The following PLVAP variants were observed in gnomAD, a reference collection of about 807,000 sequenced individuals.
PLVAP encodes the protein plasmalemma vesicle associated protein, also known as plasmalemma vesicle-associated protein.
PLVAP carries 34 observed loss-of-function variants against 43.1 expected under a neutral mutation model. The ratio of observed to expected loss-of-function variants is 0.79; its 90% CI spans 0.60 to 1.05. PLVAP has a LOEUF of 1.05. Ranked by LOEUF, PLVAP falls within the 50% of genes least tolerant of loss-of-function variation. PLVAP has a pLI of 0.00. For synonymous variants in PLVAP, 241 were observed against 237.3 expected (o/e 1.02, Z -0.14); for missense variants, 574 against 593.4 (o/e 0.97, Z 0.34).
At chr19:17,376,864 G>C (rs1172555953) in intron 1 of PLVAP, 56 bp downstream of exon 1, 2 of 1,510,628 alleles carry the variant, frequency 1.3e-6, no homozygotes, top group Non-Finnish European at 1.8e-6. Context: ...CAGGCTCAGA[G>C]AGGTGAGGGG....
intron 5 of PLVAP, among the ~76,000 whole-genome samples, chr19:17,352,897 C>T (rs1178689372): frequency 1.3e-5 from 2 of 152,198 alleles, no homozygotes; most frequent in African/African-American, 4.8e-5. Context: ...GGGCTCCACC[C>T]CTCTGCCCCT....
intron 3 of PLVAP, among the ~76,000 whole-genome samples, chr19:17,363,735 CGGCT>C (rs2074537171): frequency 7.9e-6 from 1 of 126,048 alleles, no homozygotes; most frequent in African/African-American, 3.2e-5. Flanking sequence ...CCACCACACC[CGGCT>C]AATTTTTTTT....
At chr19:17,369,152 A>G (rs2074561646) in intron 1 of PLVAP, among the ~76,000 whole-genome samples, 1 of 151,410 alleles carries the variant, frequency 6.6e-6, no homozygotes. Flanking sequence ...GAGGCAAACA[A>G]CAGTCTTTAA....
At position 17,365,939 on chromosome 19, in the gene PLVAP, TCTC is replaced by T. The variant is rs2074548209; in HGVS notation, c.523_525del (p.Glu175del). 1.2e-6 allele frequency: 2 copies of T among 1,614,038 alleles called. No homozygotes were observed. Among genetic ancestry groups the T allele is most frequent in the Non-Finnish European group, 1.7e-6 (2 of 1,180,006 alleles). On this transcript the variant is annotated inframe_deletion, in exon 3 of 6. Transcript: ENST00000252590. ...TCCTTATCCTTAGTGCAAATGGTCT[TCTC>T]CTTGGCTATCTCCACCTCCAGCGTC...
chr19:17,353,064 T>A (rs2074492605), intron 5 of PLVAP, among the ~76,000 whole-genome samples: 1 of 152,208 alleles, frequency 6.6e-6, no homozygotes, highest in South Asian at 2.1e-4. Flanking sequence ...TGGCAGAGGT[T>A]CCTGCGAGGG....
chr19:17,364,442 C>T (rs1369726010), intron 3 of PLVAP, among the ~76,000 whole-genome samples: 1 of 152,076 alleles, frequency 6.6e-6, no homozygotes, highest in Non-Finnish European at 1.5e-5. Context: ...TTTAAGCTAT[C>T]CTTCCACCTT....
At chr19:17,360,097 C>A (rs2074522208) in intron 5 of PLVAP, among the ~76,000 whole-genome samples, 1 of 152,162 alleles carries the variant, frequency 6.6e-6, no homozygotes, top group Non-Finnish European at 1.5e-5. Context: ...GGGTTCATGT[C>A]CCAGCTCTGC....
chr19:17,356,291 A>G (rs1012561947), intron 5 of PLVAP, among the ~76,000 whole-genome samples: 16 of 152,154 alleles, frequency 1.1e-4, no homozygotes, highest in Admixed American at 6.6e-5. Flanking sequence ...GCCCAGCGAC[A>G]GAGTGAGACT....
intron 3 of PLVAP, among the ~76,000 whole-genome samples, chr19:17,363,674 G>A (rs2074536824): frequency 6.6e-6 from 1 of 150,772 alleles, no homozygotes; most frequent in South Asian, 2.1e-4. Flanking sequence ...CTGGGCTCAA[G>A]CAATCCTCCC....
intron 5 of PLVAP, among the ~76,000 whole-genome samples, chr19:17,352,665 C>G (rs966316287): frequency 2.0e-5 from 3 of 152,150 alleles, no homozygotes; most frequent in Non-Finnish European, 2.9e-5. Context: ...CCACACTTCA[C>G]GAGCCCCAAG....
At chr19:17,371,261 A>C (rs1372571897) in intron 1 of PLVAP, among the ~76,000 whole-genome samples, 1 of 150,282 alleles carries the variant, frequency 6.7e-6, no homozygotes, top group African/African-American at 2.4e-5. Context: ...TCCTGGGTTC[A>C]AGTGATTCTC....
rs542844238 is a variant in PLVAP, at chr19:17,364,113, T to C, written c.1179+1173A>G. 2.0e-5 allele frequency among the ~76,000 whole-genome samples: 3 copies of C among 151,322 alleles called. No individual in the cohort carries two copies. The East Asian group carries it at 5.9e-4, about 30-fold the overall frequency. On this transcript the variant is annotated intron_variant, in intron 3 of 5. Coordinates refer to ENST00000252590, the MANE Select transcript of PLVAP (RefSeq NM_031310.3). ...GTTTGTTTGTTTGTTTGAGATGGAG[T>C]CTCGCTCTGTCACCCAGGCTGGAGT... is the stretch of plus-strand genomic sequence containing the variant.
chr19:17,355,781 G>A (rs958615664), intron 5 of PLVAP, among the ~76,000 whole-genome samples: 3 of 151,978 alleles, frequency 2.0e-5, no homozygotes, highest in Non-Finnish European at 4.4e-5. Flanking sequence ...TGATCTGCCC[G>A]CCTCAGCCTC....
intron 1 of PLVAP, among the ~76,000 whole-genome samples, chr19:17,366,991 G>A (rs896001198): frequency 1.3e-5 from 2 of 148,746 alleles, no homozygotes; most frequent in Admixed American, 1.4e-4. Context: ...CACCCAGGCT[G>A]GAGTGCAGTG....
chr19:17,369,189 T>C (rs2074561944), intron 1 of PLVAP, among the ~76,000 whole-genome samples: 1 of 151,232 alleles, frequency 6.6e-6, no homozygotes, highest in Non-Finnish European at 1.5e-5. Flanking sequence ...TTTTTTTTTT[T>C]GTTGTTGTTT....
chr19:17,368,424 C>G (rs893365266), intron 1 of PLVAP, among the ~76,000 whole-genome samples: 1 of 151,752 alleles, frequency 6.6e-6, no homozygotes, highest in African/African-American at 2.4e-5. Flanking sequence ...GTTGGCCAGG[C>G]TGGTTTCAAA....
intron 2 of PLVAP, 25 bp downstream of exon 2, chr19:17,366,074 G>T: frequency 6.2e-7 from 1 of 1,613,458 alleles, no homozygotes; most frequent in Non-Finnish European, 8.5e-7. Flanking sequence ...CCACCACCCC[G>T]GCTCCCTGCA....
In PLVAP at chr19:17,352,130, G is replaced by A. The variant is rs919077338; in HGVS notation, c.*232C>T. The A allele has an allele frequency of 1.9e-5, 11 of 584,116 alleles. No homozygotes were observed. The highest frequency in any genetic ancestry group is 1.1e-4 in the African/African-American group (6 of 53,928). The allele number at this position is 584,116 out of a possible 1,614,324, so 36.2% of individuals were successfully genotyped here. A position where few individuals can be genotyped will look rare whatever the true frequency, so the allele number is the denominator to read the frequency against. On this transcript the variant is annotated 3_prime_UTR_variant, in exon 6 of 6. Coordinates refer to ENST00000252590, the MANE Select transcript of PLVAP (RefSeq NM_031310.3). ...CACGGTGATATGTGACGTCAGCGCCGTTGCTTGCGTGACGTCATCTCCGCG... is the reference window on the plus strand; with the variant it reads ...CACGGTGATATGTGACGTCAGCGCCATTGCTTGCGTGACGTCATCTCCGCG...
chr19:17,360,433 C>G, intron 5 of PLVAP, 95 bp downstream of exon 5: 1 of 1,314,304 alleles, frequency 7.6e-7, no homozygotes, highest in South Asian at 1.2e-5. Context: ...AAGGAAGAAG[C>G]AAGTGTGAGA....
Sources: gnomAD v4.1 joint callset for allele counts (sites outside exome capture counted in the v4.1 genomes callset) on GRCh38, gnomAD v4.1.1 for gene constraint, MANE v1.5 for transcripts, NCBI Gene and HGNC (gene_info 2026-07-23, HGNC 2026-07-21) for gene names.